Variants in CRHR2 observed in about 807,000 individuals in gnomAD.
The protein encoded by CRHR2 is corticotropin releasing hormone receptor 2.
In CRHR2, 53 loss-of-function variants were observed where a neutral mutation model predicts 57.9. The ratio of observed to expected loss-of-function variants is 0.92; its 90% confidence interval spans 0.73 to 1.15. The LOEUF (loss-of-function observed/expected upper bound fraction) is 1.15. Ranked by LOEUF, CRHR2 falls within the 50% of genes most tolerant of loss-of-function variation. The pLI is 0.00. For synonymous variants in CRHR2, 213 were observed against 220.9 expected (o/e 0.96, Z 0.32); for missense variants, 532 against 542.6 (o/e 0.98, Z 0.19).
intron 2 of CRHR2, among the ~76,000 whole-genome samples, chr7:30,678,096 G>C (rs1784578111): frequency 6.6e-6 from 1 of 152,150 alleles, no homozygotes; most frequent in South Asian, 2.1e-4. Flanking sequence ...CCCTCACAGG[G>C]CCAGCTCTGC....
At chr7:30,662,134 C>T (rs1435114585) in intron 7 of CRHR2, 22 bp downstream of exon 7, 2 of 1,613,390 alleles carry the variant, frequency 1.2e-6, no homozygotes, top group Admixed American at 1.7e-5. Context: ...CATGACCCCC[C>T]ATGGCTGGCC....
chr7:30,680,226 C>G (rs1455317123), intron 2 of CRHR2, among the ~76,000 whole-genome samples: 3 of 151,500 alleles, frequency 2.0e-5, no homozygotes, highest in Non-Finnish European at 1.5e-5. Flanking sequence ...TTGTCTGTTG[C>G]AATTGTGAGT....
chr7:30,654,436 C>A (rs1164697956), intron 11 of CRHR2, among the ~76,000 whole-genome samples: 2 of 152,190 alleles, frequency 1.3e-5, no homozygotes, highest in African/African-American at 2.4e-5. Flanking sequence ...AAGTGTATTC[C>A]TCTGGAGTGT....
intron 9 of CRHR2, 50 bp downstream of exon 9, chr7:30,655,877 G>A (rs757371497): frequency 2.2e-5 from 36 of 1,603,262 alleles, no homozygotes; most frequent in Middle Eastern, 1.8e-4. Context: ...GGGACGGCCC[G>A]ATGACCTCCT....
chr7:30,662,062 C>G lies in CRHR2; in HGVS notation c.758+94G>C, dbSNP rs1784019536. 4 of 1,362,018 alleles carry G rather than the reference C, an allele frequency of 2.9e-6. No individual in the cohort carries two copies. The African/African-American group carries it at 5.8e-5, about 20-fold the overall frequency. 84.4% of individuals were successfully genotyped at this position (1,362,018 alleles called of 1,614,324 possible). A position where few individuals can be genotyped will look rare whatever the true frequency, so the allele number is the denominator to read the frequency against. ...GATCTGTCTAGGTGTGGCTACAATT[C>G]CTGCTCCACGGCTTGGCCAGAGCCC... On this transcript the variant is annotated intron_variant, in intron 7 of 11. Coordinates refer to ENST00000471646, the MANE Select transcript of CRHR2 (RefSeq NM_001883.5).
intron 1 of CRHR2, among the ~76,000 whole-genome samples, chr7:30,695,704 T>C (rs1785043773): frequency 6.6e-6 from 1 of 152,224 alleles, no homozygotes; most frequent in Non-Finnish European, 1.5e-5. Context: ...CTGATTTGTT[T>C]TGGAGTCTGT....
chr7:30,674,468 A>C (rs1266017100), intron 2 of CRHR2, among the ~76,000 whole-genome samples: 1 of 152,228 alleles, frequency 6.6e-6, no homozygotes, highest in Non-Finnish European at 1.5e-5. Flanking sequence ...GAACTCATCA[A>C]GCCCTCCACC....
chr7:30,655,509 G>A (rs568698010), intron 10 of CRHR2, 71 bp downstream of exon 10: 17 of 1,545,570 alleles, frequency 1.1e-5, no homozygotes, highest in Middle Eastern at 3.6e-4. Context: ...GACCCCCTTA[G>A]TGAGGGCATG....
intron 2 of CRHR2, among the ~76,000 whole-genome samples, chr7:30,679,408 C>T (rs1454109055): frequency 6.6e-6 from 1 of 152,138 alleles, no homozygotes; most frequent in African/African-American, 2.4e-5. Context: ...GTGTTCTTGC[C>T]TGCAATATGG....
chr7:30,655,159 A>G, intron 10 of CRHR2, 79 bp from the exon 11 acceptor site: 1 of 1,472,626 alleles, frequency 6.8e-7, no homozygotes, highest in Non-Finnish European at 9.3e-7. Context: ...CACTGGGGAC[A>G]AGATGGTGGG....
intron 2 of CRHR2, chr7:30,689,021 A>C: frequency 1.5e-6 from 1 of 684,264 alleles, no homozygotes; most frequent in South Asian, 1.5e-5. Flanking sequence ...AGAATGGGGA[A>C]GGGCCTGCGT....
At chr7:30,696,786 CTG>C (rs923470056) in intron 1 of CRHR2, among the ~76,000 whole-genome samples, 2 of 151,926 alleles carry the variant, frequency 1.3e-5, no homozygotes, top group African/African-American at 2.4e-5. Flanking sequence ...GAAGAAGTGA[CTG>C]TAGATAAACT....
intron 2 of CRHR2, among the ~76,000 whole-genome samples, chr7:30,668,594 A>G (rs1584105036): frequency 6.6e-6 from 1 of 152,198 alleles, no homozygotes; most frequent in African/African-American, 2.4e-5. Context: ...TGAAATAATT[A>G]AGTTACTTAA....
At chr7:30,690,479 T>G (rs1784939686) in intron 1 of CRHR2, among the ~76,000 whole-genome samples, 2 of 151,978 alleles carry the variant, frequency 1.3e-5, no homozygotes, top group Admixed American at 6.5e-5. Flanking sequence ...CTCCCAACCC[T>G]GAGATTCCTG....
rs534492674 is a variant in CRHR2 at position 30,659,810 on chromosome 7, C to T, written c.831+763G>A. 6.6e-5 allele frequency among the ~76,000 whole-genome samples: 10 copies of T among 152,380 alleles called. No homozygotes were observed. In the East Asian group the frequency reaches 1.7e-3, roughly 26 times the overall value. On this transcript the variant is annotated intron_variant, in intron 8 of 11. Coordinates refer to ENST00000471646, the MANE Select transcript of CRHR2 (RefSeq NM_001883.5). ...GGAGGAGATGGCACTCTCGCTGAGT[C>T]TCCCAGAAGGAACTGTGGCCCTTTA...
At chr7:30,684,549 C>G (rs1000683013), upstream of CRHR2, among the ~76,000 whole-genome samples, 1 of 152,164 alleles carries the variant, frequency 6.6e-6, no homozygotes, top group African/African-American at 2.4e-5. Context: ...CTGGATTGCT[C>G]TTAACTGGGA....
chr7:30,664,091 AC>A (rs943929870), intron 5 of CRHR2, among the ~76,000 whole-genome samples: 1 of 152,224 alleles, frequency 6.6e-6, no homozygotes, highest in African/African-American at 2.4e-5. Flanking sequence ...GCACAAGCCC[AC>A]GTTGGAGCTA....
Position 30,682,333 on chromosome 7 carries a change from C to T in CRHR2, c.-53G>A. The T allele has an allele frequency of 6.7e-7, 1 of 1,485,990 alleles. No homozygotes were observed. Among genetic ancestry groups the T allele is most frequent in the Non-Finnish European group, 8.9e-7 (1 of 1,121,416 alleles). The allele number at this position is 1,485,990 out of a possible 1,614,324, so 92.1% of individuals were successfully genotyped here. On this transcript the variant is annotated 5_prime_UTR_variant, in exon 1 of 12. Coordinates refer to ENST00000471646, the MANE Select transcript of CRHR2 (RefSeq NM_001883.5). The stretch of plus-strand genomic sequence containing the variant: ...GAGTGGGAGTGCGCGCCCGGCGTGA[C>T]TGCGAGGGAGTGGACGCGAGAGTGA...
chr7:30,687,836 G>A (rs1013778277), intron 2 of CRHR2, among the ~76,000 whole-genome samples: 5 of 152,200 alleles, frequency 3.3e-5, no homozygotes, highest in African/African-American at 1.2e-4. Flanking sequence ...GTGAGGGAAG[G>A]TTGGGCTTTC....
Sources: gnomAD v4.1 joint callset for allele counts (sites outside exome capture counted in the v4.1 genomes callset) on GRCh38, gnomAD v4.1.1 for gene constraint, MANE v1.5 for transcripts, NCBI Gene and HGNC (gene_info 2026-07-23, HGNC 2026-07-21) for gene names.